Variants in FXR1 observed in about 807,000 individuals in gnomAD.
FXR1 encodes RNA-binding protein FXR1.
FXR1 carries 15 observed loss-of-function variants against 84.0 expected under a neutral mutation model. The ratio of observed to expected loss-of-function variants is 0.18; its 90% CI spans 0.12 to 0.27. The LOEUF is 0.27. Ranked by LOEUF, FXR1 falls within the 10% of genes least tolerant of loss-of-function variation. The probability of loss-of-function intolerance (pLI) is 1.00; values close to 1 mark genes in which losing one functional copy is unlikely to be tolerated. For synonymous variants in FXR1, 245 were observed against 250.7 expected, an observed-to-expected ratio of 0.98 and a Z score of 0.21; for missense variants, 480 against 774.4, an observed-to-expected ratio of 0.62 and a Z score of 4.51.
rs1206777773 is a variant in FXR1, at chr3:180,979,518, A to G, written c.*3226A>G. On this transcript the variant is annotated 3_prime_UTR_variant, in exon 17 of 17. Transcript: ENST00000357559. The stretch of plus-strand genomic sequence containing the variant: ...TCCCTTACGCTTTTTCGTTAAGAAT[A>G]TCTGTCTGCTATAGTGAATTTGCTA... The G allele has an allele frequency of 6.6e-6, 1 of 151,920 alleles. No individual in the cohort carries two copies. The allele number at this position is 151,920 out of a possible 1,614,324, so 9.4% of individuals were successfully genotyped here. A position where few individuals can be genotyped will look rare whatever the true frequency, so the allele number is the denominator to read the frequency against.
At chr3:180,956,365 A>T (rs1484119731) in intron 9 of FXR1, among the ~76,000 whole-genome samples, 1 of 152,190 alleles carries the variant, frequency 6.6e-6, no homozygotes, top group East Asian at 1.9e-4. Flanking sequence ...TGGAATTTAA[A>T]CTATGGAAAT....
chr3:180,958,696 T>G (rs1711657179), intron 10 of FXR1, among the ~76,000 whole-genome samples: 1 of 152,112 alleles, frequency 6.6e-6, no homozygotes, highest in Non-Finnish European at 1.5e-5. Flanking sequence ...ACAAAGGAAT[T>G]CTTGATTGTA....
chr3:180,961,600 A>ATGTAGTAAATGCAG, intron 11 of FXR1, 46 bp downstream of exon 11: 2 of 877,886 alleles, frequency 2.3e-6, no homozygotes, highest in Non-Finnish European at 3.8e-6. Flanking sequence ...TGCTGCATTT[A>ATGTAGTAAATGCAG]CTACATAAAT....
chr3:180,934,936 A>G (rs1370833624), intron 2 of FXR1, among the ~76,000 whole-genome samples: 2 of 152,192 alleles, frequency 1.3e-5, no homozygotes, highest in Non-Finnish European at 2.9e-5. Flanking sequence ...GTTAACAATT[A>G]TGTTAATTAT....
intron 15 of FXR1, among the ~76,000 whole-genome samples, chr3:180,974,660 T>C (rs1040523221): frequency 8.5e-5 from 13 of 152,122 alleles, no homozygotes; most frequent in African/African-American, 3.1e-4. Flanking sequence ...AGGGGTGTCA[T>C]TGAATACACT....
At chr3:180,944,566 GTCC>G (rs1379600845) in intron 3 of FXR1, among the ~76,000 whole-genome samples, 1 of 151,310 alleles carries the variant, frequency 6.6e-6, no homozygotes, top group Admixed American at 6.6e-5. Context: ...GGCTCAAGCA[GTCC>G]TCCTGCCTCA....
At chr3:180,944,009 C>G (rs576201962) in intron 3 of FXR1, among the ~76,000 whole-genome samples, 4 of 152,080 alleles carry the variant, frequency 2.6e-5, no homozygotes, top group African/African-American at 9.7e-5. Context: ...CTCCGCCTCC[C>G]AGGTTCAAGC....
At chr3:180,946,445 G>T (rs565807700) in intron 3 of FXR1, among the ~76,000 whole-genome samples, 1 of 152,206 alleles carries the variant, frequency 6.6e-6, no homozygotes, top group East Asian at 1.9e-4. Flanking sequence ...ATAAGGGTGA[G>T]TTCTGTTCTA....
At chr3:180,926,498 A>ATTT (rs1198239042) in intron 1 of FXR1, among the ~76,000 whole-genome samples, 21 of 68,106 alleles carry the variant, frequency 3.1e-4, no homozygotes, top group African/African-American at 2.3e-3. Context: ...ATATATATAT[A>ATTT]TATATATATT....
intron 1 of FXR1, among the ~76,000 whole-genome samples, chr3:180,926,506 A>ATTTTTTTT (rs57540765): frequency 7.6e-4 from 94 of 124,350 alleles, no homozygotes; most frequent in Middle Eastern, 4.2e-3. Flanking sequence ...ATATATATAT[A>ATTTTTTTT]TTTTTTTTTC....
chr3:180,955,501 G>A (rs1407241141), intron 9 of FXR1, among the ~76,000 whole-genome samples: 1 of 152,088 alleles, frequency 6.6e-6, no homozygotes, highest in Non-Finnish European at 1.5e-5. Context: ...GGTGCACAAT[G>A]TTATCAAATG....
chr3:180,913,375 C>T (rs1397765471), intron 1 of FXR1, among the ~76,000 whole-genome samples: 2 of 152,084 alleles, frequency 1.3e-5, no homozygotes, highest in African/African-American at 4.8e-5. Context: ...TTGGGCGGCG[C>T]CTTAGCCCCT....
chr3:180,928,456 C>G (rs1719490918), intron 1 of FXR1, among the ~76,000 whole-genome samples: 1 of 143,264 alleles, frequency 7.0e-6, no homozygotes, highest in Non-Finnish European at 1.5e-5. Flanking sequence ...AACACATACA[C>G]ACTGTTAATA....
chr3:180,942,576 A>G (rs1721254050), intron 3 of FXR1, among the ~76,000 whole-genome samples: 2 of 151,978 alleles, frequency 1.3e-5, no homozygotes, highest in African/African-American at 2.4e-5. Flanking sequence ...GGCTTTTGGA[A>G]TTTGATTCTT....
chr3:180,951,582 C>A, intron 8 of FXR1, 114 bp downstream of exon 8: 1 of 725,118 alleles, frequency 1.4e-6, no homozygotes, highest in Non-Finnish European at 2.3e-6. Flanking sequence ...AGAATTTATT[C>A]AATTAGCATC....
In FXR1 at chr3:180,977,602, A is replaced by G. The variant is rs1714357517; in HGVS notation, c.*1310A>G. ...TAATTTTTATGAAGATAAAGACATG[A>G]AGTTTAACAATGGACAACAGTTAGT... On this transcript the variant is annotated 3_prime_UTR_variant, in exon 17 of 17. Coordinates refer to ENST00000357559, the MANE Select transcript of FXR1 (RefSeq NM_005087.4). 1.3e-5 allele frequency: 2 copies of G among 152,130 alleles called. No homozygotes were observed. The allele number at this position is 152,130 out of a possible 1,614,324, so 9.4% of individuals were successfully genotyped here.
chr3:180,939,665 G>GTGAATAC (rs1720915364), intron 3 of FXR1, among the ~76,000 whole-genome samples: 1 of 152,160 alleles, frequency 6.6e-6, no homozygotes, highest in South Asian at 2.1e-4. Flanking sequence ...TCTTAACTGT[G>GTGAATAC]TGAATACTTT....
intron 1 of FXR1, among the ~76,000 whole-genome samples, chr3:180,918,522 T>C (rs563445249): frequency 6.6e-6 from 1 of 152,332 alleles, no homozygotes; most frequent in East Asian, 1.9e-4. Flanking sequence ...TTTGCTGGAT[T>C]ATCACTCTGG....
chr3:180,915,603 GTT>G, intron 1 of FXR1: 2 of 846,582 alleles, frequency 2.4e-6, no homozygotes. Flanking sequence ...TATTTCTTTG[GTT>G]TTTTTTGGTG....
Sources: allele counts gnomAD v4.1 joint callset (sites outside exome capture counted in the v4.1 genomes callset), GRCh38; gene constraint gnomAD v4.1.1; transcripts MANE v1.5; gene names NCBI Gene and HGNC (gene_info 2026-07-23, HGNC 2026-07-21).